DENND1A: variants seen among roughly 807,000 people sequenced by gnomAD.
DENND1A encodes the protein DENN domain containing 1A.
DENND1A carries 51 observed loss-of-function variants against 113.7 expected under a neutral mutation model. The observed-to-expected ratio is 0.45, with a 90% CI of 0.36 to 0.57. The LOEUF (loss-of-function observed/expected upper bound fraction) is 0.57. DENND1A is among the 20% of genes least tolerant of loss of function. The probability of loss-of-function intolerance (pLI) is 0.00; values close to 1 mark genes in which losing one functional copy is unlikely to be tolerated. For synonymous variants in DENND1A, 565 were observed against 570.8 expected (o/e 0.99, Z 0.14); for missense variants, 1,258 against 1,395.9 (o/e 0.90, Z 1.57).
At position 123,917,939 on chromosome 9, in the gene DENND1A, T is replaced by A. The variant is rs1351860467; in HGVS notation, c.17+11950A>T. ...TCCTGGCTAACACGGTGAAACCCCA[T>A]CTCTACTAAAAATACAAAAAAAAAA... On this transcript the variant is annotated intron_variant, in intron 1 of 23. Transcript: ENST00000394215. 2.0e-5 allele frequency among the ~76,000 whole-genome samples: 3 copies of A among 149,820 alleles called. No homozygotes were observed. In the South Asian group the frequency reaches 6.3e-4, roughly 32 times the overall value.
At chr9:123,720,361 G>C (rs943320444) in intron 5 of DENND1A, among the ~76,000 whole-genome samples, 1 of 152,150 alleles carries the variant, frequency 6.6e-6, no homozygotes, top group Non-Finnish European at 1.5e-5. Context: ...GAGGGTCTGT[G>C]CATGCTGGGG....
intron 1 of DENND1A, among the ~76,000 whole-genome samples, chr9:123,920,793 G>C (rs80056780): frequency 6.6e-6 from 1 of 150,578 alleles, no homozygotes; most frequent in Non-Finnish European, 1.5e-5. Flanking sequence ...AACTGATCTC[G>C]AACTCCTGAC....
intron 11 of DENND1A, among the ~76,000 whole-genome samples, chr9:123,583,929 C>G (rs750275535): frequency 2.0e-5 from 3 of 152,176 alleles, no homozygotes; most frequent in Non-Finnish European, 4.4e-5. Flanking sequence ...TGCTTGGTGA[C>G]AGGAGAAGGG....
At chr9:123,473,522 G>A (rs966534578) in intron 13 of DENND1A, among the ~76,000 whole-genome samples, 1 of 152,198 alleles carries the variant, frequency 6.6e-6, no homozygotes, top group Non-Finnish European at 1.5e-5. Context: ...CAGATGGGCA[G>A]CTATTTGCAG....
rs111273094 is a variant in DENND1A at position 123,383,917 on chromosome 9, TC to T, written c.1761-5del. On this transcript the variant is annotated splice_polypyrimidine_tract_variant and splice_region_variant and intron_variant, in intron 22 of 23. Transcript: ENST00000394215. ...GAGTGTCCGATACGGCTGCGGCCTG[TC>T]GGGGACAGAGCAGGCTGCACTCTCC... The T allele has an allele frequency of 6.2e-7, 1 of 1,605,906 alleles. No individual in the cohort carries two copies.
intron 1 of DENND1A, among the ~76,000 whole-genome samples, chr9:123,891,820 C>T (rs1475331968): frequency 6.6e-6 from 1 of 152,138 alleles, no homozygotes; most frequent in Non-Finnish European, 1.5e-5. Context: ...ATCCTTCTCT[C>T]GAACAATGTT....
intron 5 of DENND1A, among the ~76,000 whole-genome samples, chr9:123,740,037 G>A (rs1188180702): frequency 2.0e-5 from 3 of 152,134 alleles, no homozygotes; most frequent in Non-Finnish European, 4.4e-5. Context: ...GCTTACATTG[G>A]GGAGAGTTTT....
chr9:123,434,890 A>G (rs2046403166), intron 19 of DENND1A, among the ~76,000 whole-genome samples: 1 of 152,196 alleles, frequency 6.6e-6, no homozygotes, highest in Non-Finnish European at 1.5e-5. Flanking sequence ...TACAGGGAGT[A>G]CCAGTTAGGA....
chr9:123,910,801 G>A (rs1013146758), intron 1 of DENND1A, among the ~76,000 whole-genome samples: 6 of 152,106 alleles, frequency 3.9e-5, no homozygotes, highest in Admixed American at 6.6e-5. Flanking sequence ...TTATCCAGGC[G>A]TGGTGGCACA....
chr9:123,426,014 G>A (rs538173366), intron 19 of DENND1A, among the ~76,000 whole-genome samples: 1 of 152,258 alleles, frequency 6.6e-6, no homozygotes, highest in Non-Finnish European at 1.5e-5. Flanking sequence ...ACTCTGCCCA[G>A]GGCAGGGGCA....
At chr9:123,882,461 TC>T (rs1357545217) in intron 1 of DENND1A, among the ~76,000 whole-genome samples, 1 of 130,772 alleles carries the variant, frequency 7.6e-6, no homozygotes, top group South Asian at 2.2e-4. Flanking sequence ...CATCCTCGAC[TC>T]CCGTTTCATA....
chr9:123,407,381 A>G (rs1588373123), intron 20 of DENND1A, among the ~76,000 whole-genome samples: 1 of 152,030 alleles, frequency 6.6e-6, no homozygotes, highest in Non-Finnish European at 1.5e-5. Flanking sequence ...TGTACACACT[A>G]TCTCACAAAT....
At chr9:123,473,734 A>AGG (rs902453229) in intron 13 of DENND1A, among the ~76,000 whole-genome samples, 6 of 152,046 alleles carry the variant, frequency 3.9e-5, no homozygotes, top group Non-Finnish European at 7.4e-5. Context: ...ACCTATAATG[A>AGG]GGGGGTCCTC....
chr9:123,740,159 A>G (rs2068885198), intron 5 of DENND1A, among the ~76,000 whole-genome samples: 1 of 152,158 alleles, frequency 6.6e-6, no homozygotes, highest in Non-Finnish European at 1.5e-5. Context: ...TCCTGTGCAT[A>G]TGCCCCTCTA....
rs181426002 is a variant in DENND1A at position 123,803,908 on chromosome 9, T to C, written c.89-11278A>G. Among the ~76,000 whole-genome samples the C allele has an allele frequency of 2.0e-3, 301 of 152,320 alleles. 4 individuals are homozygous for C. Among genetic ancestry groups the C allele is most frequent in the Non-Finnish European group, 6.9e-4 (47 of 68,024 alleles). ...CACCGCTTCTCTGAAACTACTCACA[T>C]ACCAACAGCCACACCAATGACCTTC... On this transcript the variant is annotated intron_variant, in intron 2 of 23. Coordinates refer to ENST00000394215, the MANE Select transcript of DENND1A (RefSeq NM_001352964.2).
intron 2 of DENND1A, among the ~76,000 whole-genome samples, chr9:123,831,195 C>A (rs1840160079): frequency 6.6e-6 from 1 of 151,972 alleles, no homozygotes; most frequent in Non-Finnish European, 1.5e-5. Flanking sequence ...ATACCATTTA[C>A]AATAGCAGAG....
chr9:123,669,877 T>C (rs2063680312), intron 7 of DENND1A, among the ~76,000 whole-genome samples: 1 of 152,198 alleles, frequency 6.6e-6, no homozygotes, highest in African/African-American at 2.4e-5. Flanking sequence ...TCTTCCTTCC[T>C]TCCTTCTCTC....
chr9:123,480,620 G>C (rs73666959), intron 13 of DENND1A, among the ~76,000 whole-genome samples: 7,746 of 152,120 alleles, frequency 0.051, 647 homozygotes, highest in African/African-American at 0.18. Flanking sequence ...ATCCCTCTTG[G>C]GGTCTTCCTC....
intron 13 of DENND1A, among the ~76,000 whole-genome samples, chr9:123,520,358 C>G (rs775116723): frequency 6.6e-6 from 1 of 152,126 alleles, no homozygotes; most frequent in Non-Finnish European, 1.5e-5. Context: ...ACTCGGGAGG[C>G]TGAGGCAGGA....
Sources: gnomAD v4.1 joint callset for allele counts (sites outside exome capture counted in the v4.1 genomes callset) on GRCh38, gnomAD v4.1.1 for gene constraint, MANE v1.5 for transcripts, NCBI Gene and HGNC (gene_info 2026-07-23, HGNC 2026-07-21) for gene names.